CSNK2A2IP: variants seen among roughly 807,000 people sequenced by gnomAD.
The protein encoded by CSNK2A2IP is casein kinase II subunit alpha'-interacting protein.
At chr3:88,465,504 T>C in the CSNK2A2IP span, 1 of 1,231,602 alleles carries the variant, frequency 8.1e-7, no homozygotes, top group African/African-American at 1.6e-5. Flanking sequence ...TGCAATCCCA[T>C]AGCAATCACT....
the CSNK2A2IP span, among the ~76,000 whole-genome samples, chr3:88,352,891 A>G: frequency 6.6e-6 from 1 of 152,168 alleles, no homozygotes; most frequent in Non-Finnish European, 1.5e-5. Context: ...ATTGAGGTGT[A>G]AAACAAATTT....
At chr3:88,455,064 CCTT>C in the CSNK2A2IP span, among the ~76,000 whole-genome samples, 2 of 151,642 alleles carry the variant, frequency 1.3e-5, no homozygotes, top group African/African-American at 4.8e-5. Flanking sequence ...GGAAGGATTT[CCTT>C]CTTTTTTAGG....
the CSNK2A2IP span, among the ~76,000 whole-genome samples, chr3:88,400,094 A>G: frequency 5.9e-5 from 9 of 152,250 alleles, no homozygotes; most frequent in African/African-American, 1.9e-4. Flanking sequence ...CGTAGATTAC[A>G]TATTAGTGGC....
At chr3:88,462,638 A>G in the CSNK2A2IP span, among the ~76,000 whole-genome samples, 2 of 152,218 alleles carry the variant, frequency 1.3e-5, no homozygotes, top group African/African-American at 4.8e-5. Context: ...GATCAAATCA[A>G]CAGGTCTTGG....
the CSNK2A2IP span, chr3:88,466,644 T>C: frequency 1.6e-6 from 2 of 1,227,980 alleles, no homozygotes; most frequent in Admixed American, 4.2e-5. Flanking sequence ...CTGTCCCTGA[T>C]GATGTGGTAA....
the CSNK2A2IP span, among the ~76,000 whole-genome samples, chr3:88,439,569 C>T: frequency 6.6e-6 from 1 of 151,702 alleles, no homozygotes; most frequent in Admixed American, 6.6e-5. Flanking sequence ...TGGTGAAACC[C>T]TGTCTCTACT....
chr3:88,349,257 A>G, the CSNK2A2IP span, among the ~76,000 whole-genome samples: 3 of 151,874 alleles, frequency 2.0e-5, no homozygotes, highest in African/African-American at 2.4e-5. Flanking sequence ...ACTGTACTCA[A>G]TATGTTGTCT....
the CSNK2A2IP span, among the ~76,000 whole-genome samples, chr3:88,414,402 C>A: frequency 6.7e-6 from 1 of 149,804 alleles, no homozygotes. Context: ...CCTGCCTCAG[C>A]CTCCTGAGTA....
the CSNK2A2IP span, among the ~76,000 whole-genome samples, chr3:88,388,653 G>A: frequency 2.6e-5 from 4 of 152,224 alleles, no homozygotes; most frequent in South Asian, 6.2e-4. Context: ...TATAAGATTG[G>A]CTGTCCAGTT....
chr3:88,428,430 C>T, the CSNK2A2IP span, among the ~76,000 whole-genome samples: 1 of 152,060 alleles, frequency 6.6e-6, no homozygotes, highest in Non-Finnish European at 1.5e-5. Context: ...AATGTGAGGA[C>T]ATGAGATTTG....
chr3:88,391,645 A>G, the CSNK2A2IP span, among the ~76,000 whole-genome samples: 2 of 152,204 alleles, frequency 1.3e-5, no homozygotes, highest in Admixed American at 1.3e-4. Flanking sequence ...CTCTAGGCAG[A>G]AGGTACAGCA....
chr3:88,425,308 A>G, the CSNK2A2IP span, among the ~76,000 whole-genome samples: 3 of 152,128 alleles, frequency 2.0e-5, no homozygotes, highest in Non-Finnish European at 4.4e-5. Context: ...TGGATAATCC[A>G]TGCTTCTCTT....
chr3:88,376,020 G>A, the CSNK2A2IP span, among the ~76,000 whole-genome samples: 1 of 151,666 alleles, frequency 6.6e-6, no homozygotes, highest in South Asian at 2.1e-4. Flanking sequence ...CAAACCCAGA[G>A]AGCCTTCCCT....
the CSNK2A2IP span, among the ~76,000 whole-genome samples, chr3:88,451,530 C>T: frequency 6.6e-6 from 1 of 151,606 alleles, no homozygotes; most frequent in Non-Finnish European, 1.5e-5. Context: ...TCAGTCATCG[C>T]CCTTGAAATA....
the CSNK2A2IP span, among the ~76,000 whole-genome samples, chr3:88,418,461 T>TGCGCGCGCGCGC: frequency 1.3e-5 from 1 of 75,856 alleles, no homozygotes; most frequent in African/African-American, 4.6e-5. Flanking sequence ...TGTGTGTGTG[T>TGCGCGCGCGCGC]GTGCGCGCGG....
the CSNK2A2IP span, among the ~76,000 whole-genome samples, chr3:88,364,018 T>C: frequency 6.6e-6 from 1 of 152,148 alleles, no homozygotes; most frequent in Admixed American, 6.6e-5. Flanking sequence ...TGTGCAATAC[T>C]CTCTTCTTTG....
At chr3:88,426,889 T>TGG in the CSNK2A2IP span, among the ~76,000 whole-genome samples, 30,069 of 121,964 alleles carry the variant, frequency 0.25, 3,618 homozygotes, top group South Asian at 0.33. Context: ...CCACGGGGGA[T>TGG]GGGGGGGGGC....
At chr3:88,392,611 A>G in the CSNK2A2IP span, among the ~76,000 whole-genome samples, 1 of 152,234 alleles carries the variant, frequency 6.6e-6, no homozygotes, top group Non-Finnish European at 1.5e-5. Context: ...AAAGTAAGGT[A>G]CAATAAACAC....
the CSNK2A2IP span, among the ~76,000 whole-genome samples, chr3:88,373,262 A>T: frequency 3.2e-4 from 48 of 151,556 alleles, no homozygotes; most frequent in African/African-American, 1.1e-3. Flanking sequence ...ATTCAAAAGG[A>T]TTGAACTTAC....
Sources: gnomAD v4.1 joint callset for allele counts (sites outside exome capture counted in the v4.1 genomes callset) on GRCh38, gnomAD v4.1.1 for gene constraint, MANE v1.5 for transcripts, NCBI Gene and HGNC (gene_info 2026-07-23, HGNC 2026-07-21) for gene names.